Variants in ARHGEF1 observed in about 807,000 individuals in gnomAD.
ARHGEF1 encodes Rho guanine nucleotide exchange factor 1, also known as 115 kDa guanine nucleotide exchange factor.
A neutral mutation model predicts 119.7 loss-of-function variants in ARHGEF1; 40 were observed. The ratio of observed to expected loss-of-function variants is 0.33; its 90% confidence interval spans 0.26 to 0.44. ARHGEF1 has a LOEUF of 0.44. ARHGEF1 is among the 20% of genes least tolerant of loss of function. The pLI is 1.00. For synonymous variants in ARHGEF1, 494 were observed against 521.0 expected, an observed-to-expected ratio of 0.95 and a Z score of 0.71; for missense variants, 976 against 1,268.3, an observed-to-expected ratio of 0.77 and a Z score of 3.50.
At position 41,888,091 on chromosome 19, in the gene ARHGEF1, C is replaced by T; in HGVS notation, c.9C>T (p.Asp3=). 1.2e-6 allele frequency: 2 copies of T among 1,613,646 alleles called. No individual in the cohort carries two copies. Among genetic ancestry groups the T allele is most frequent in the South Asian group, 1.1e-5 (1 of 91,046 alleles). ME[D]FARGAASPGP... Reference sequence around the variant, plus strand: ...CTGCAGAGCCCAGGGAGATGGAAGACTTCGCCCGAGGGGCGGTGAGTGGAC... The same window carrying T: ...CTGCAGAGCCCAGGGAGATGGAAGATTTCGCCCGAGGGGCGGTGAGTGGAC... Residue 3 remains aspartate (D), a synonymous_variant, in exon 2 of 29, where the codon GAC becomes GAT. Coordinates refer to ENST00000354532, the MANE Select transcript of ARHGEF1 (RefSeq NM_004706.4). This position sits in a 1 kb window ranked among gnomAD's most constrained non-coding sequence, Gnocchi z 5.1.
intron 14 of ARHGEF1, among the ~76,000 whole-genome samples, chr19:41,899,674 T>G (rs1325810175): frequency 1.3e-5 from 2 of 151,770 alleles, no homozygotes; most frequent in East Asian, 3.9e-4. Context: ...CACGCCCGGC[T>G]AATTTTGTAT....
chr19:41,888,631 T>C lies in ARHGEF1; in HGVS notation c.112-121T>C. 1 of 879,768 alleles carries C rather than the reference T, an allele frequency of 1.1e-6. No individual in the cohort carries two copies. The allele number at this position is 879,768 out of a possible 1,614,324, so 54.5% of individuals were successfully genotyped here. A position where few individuals can be genotyped will look rare whatever the true frequency, so the allele number is the denominator to read the frequency against. On this transcript the variant is annotated intron_variant, in intron 3 of 28. Transcript: ENST00000354532. This position sits in a 1 kb window ranked among gnomAD's most constrained non-coding sequence, Gnocchi z 5.1. ...ATCATTTTTTGGACACTGTCACCAC[T>C]CCCCACTTCCCAGGAGCTAACCCTG...
chr19:41,893,285 C>T lies in ARHGEF1; in HGVS notation c.626C>T (p.Ser209Phe). The change falls in exon 8 of 29, where the codon TCT becomes TTT. Residue 209 changes from serine (S) to phenylalanine (F), a missense_variant. Ser to Phe is a radical substitution (Grantham distance 155). Coordinates refer to ENST00000354532, the MANE Select transcript of ARHGEF1 (RefSeq NM_004706.4). ...MHLEEMQHTI[S>F]TDEEKSAAVV... The stretch of plus-strand genomic sequence containing the variant: ...TCTTCCTCCTACAGACATACCATCT[C>T]TACCGACGAAGAAAAGAGGTGAGGG... 1 of 1,611,120 alleles carries T rather than the reference C, an allele frequency of 6.2e-7. No homozygotes were observed. Among genetic ancestry groups the T allele is most frequent in the Non-Finnish European group, 8.5e-7 (1 of 1,178,970 alleles).
Position 41,903,289 on chromosome 19 carries a change from T to G in ARHGEF1, c.1739-18T>G, listed in dbSNP as rs2074635052. On this transcript the variant is annotated intron_variant, in intron 18 of 28. Coordinates refer to ENST00000354532, the MANE Select transcript of ARHGEF1 (RefSeq NM_004706.4). This position sits in a 1 kb window ranked among gnomAD's most constrained non-coding sequence, Gnocchi z 4.2. Reference sequence around the variant, plus strand: ...CAGGGCAGGGGTTCACCAGAGCTGCTCTCTCCCTTGCCTGCAGAAGAGCCC... The same window carrying G: ...CAGGGCAGGGGTTCACCAGAGCTGCGCTCTCCCTTGCCTGCAGAAGAGCCC... 1 of 1,612,046 alleles carries G rather than the reference T, an allele frequency of 6.2e-7. No individual in the cohort carries two copies. Among genetic ancestry groups the G allele is most frequent in the Admixed American group, 1.7e-5 (1 of 59,972 alleles).
intron 1 of ARHGEF1, among the ~76,000 whole-genome samples, chr19:41,884,036 T>C (rs2074256702): frequency 6.6e-6 from 1 of 151,800 alleles, no homozygotes; most frequent in South Asian, 2.1e-4. Flanking sequence ...TGTACGAGGA[T>C]TGGAAATTCA....
rs2123434299 is a variant in ARHGEF1 at position 41,894,569 on chromosome 19, C to T, written c.841+22C>T. The T allele has an allele frequency of 3.1e-6, 5 of 1,613,858 alleles. No homozygotes were observed. The Middle Eastern group carries it at 6.6e-4, about 213-fold the overall frequency. On this transcript the variant is annotated intron_variant, in intron 10 of 28. Transcript: ENST00000354532. The stretch of plus-strand genomic sequence containing the variant: ...CAGGGTAAGGCGGCTCTGGCCTCTG[C>T]CCTCCCCTGTCTTCCCCAGCTGCTC...
At chr19:41,909,212 A>C, downstream of ARHGEF1, 1 of 1,230,776 alleles carries the variant, frequency 8.1e-7, no homozygotes, top group Non-Finnish European at 1.0e-6. This position sits in a 1 kb window ranked among gnomAD's most constrained non-coding sequence, Gnocchi z 5.2. Flanking sequence ...CCCTTCTCAG[A>C]CTGTCCCCTC....
chr19:41,905,433 AGT>A lies in ARHGEF1; in HGVS notation c.2336+179_2336+180del, dbSNP rs1168516783. On this transcript the variant is annotated intron_variant, in intron 24 of 28. Transcript: ENST00000354532. The surrounding 1 kb of genome is among the most constrained non-coding windows in gnomAD (Gnocchi z 6.4). ...AGTATGTGACTGTGCGTGCATATAT[AGT>A]GTGTGTATGCATGCATGTGTGCGTG... The A allele has an allele frequency of 1.9e-5, 12 of 646,990 alleles. No individual in the cohort carries two copies. The highest frequency in any genetic ancestry group is 5.7e-5 in the South Asian group (3 of 52,238). 40.1% of individuals were successfully genotyped at this position (646,990 alleles called of 1,614,324 possible).
rs2074444512 is a variant in ARHGEF1, at chr19:41,894,483, C to G, written c.777C>G (p.Ala259=). The G allele has an allele frequency of 6.3e-7, 1 of 1,586,916 alleles. No homozygotes were observed. The highest frequency in any genetic ancestry group is 8.6e-7 in the Non-Finnish European group (1 of 1,164,416). ...VMGNRRSDEP[A]KTKKGLSSIL... ...GGAACCGGCGGTCGGACGAGCCTGC[C>G]AAGACCAAGAAGGGGCTGAGCAGCA... The change falls in exon 10 of 29, where the codon GCC becomes GCG. Residue 259 remains alanine (A), a synonymous_variant. Coordinates refer to ENST00000354532, the MANE Select transcript of ARHGEF1 (RefSeq NM_004706.4).
chr19:41,888,823 C>T lies in ARHGEF1; in HGVS notation c.183C>T (p.Ala61=), dbSNP rs782545280. The change falls in exon 4 of 29, where the codon GCC becomes GCT. Residue 61 remains alanine (A), a synonymous_variant. Transcript: ENST00000354532. The surrounding 1 kb of genome is among the most constrained non-coding windows in gnomAD (Gnocchi z 5.1). ...QVKRRPAHLM[A]LLQHVALQFE... Reference sequence around the variant, plus strand: ...AGCGGCGCCCAGCCCACCTCATGGCCCTCCTGCAGCACGTGGCCCTGCAGT... The same window carrying T: ...AGCGGCGCCCAGCCCACCTCATGGCTCTCCTGCAGCACGTGGCCCTGCAGT... 1 of 1,614,228 alleles carries T rather than the reference C, an allele frequency of 6.2e-7. No individual in the cohort carries two copies. Among genetic ancestry groups the T allele is most frequent in the Non-Finnish European group, 8.5e-7 (1 of 1,180,036 alleles).
chr19:41,895,578 TC>T, intron 12 of ARHGEF1, 92 bp downstream of exon 12: 1 of 1,398,238 alleles, frequency 7.2e-7, no homozygotes, highest in Non-Finnish European at 9.6e-7. Context: ...TAGAAGCCAT[TC>T]CCCAGCAACA....
At position 41,906,877 on chromosome 19, in the gene ARHGEF1, C is replaced by T. The variant is rs901609846; in HGVS notation, c.*17+74C>T. The T allele has an allele frequency of 2.0e-5, 23 of 1,176,678 alleles. No individual in the cohort carries two copies. Among genetic ancestry groups the T allele is most frequent in the Non-Finnish European group, 2.7e-5 (23 of 841,112 alleles). 72.9% of individuals were successfully genotyped at this position (1,176,678 alleles called of 1,614,324 possible). A position where few individuals can be genotyped will look rare whatever the true frequency, so the allele number is the denominator to read the frequency against. ...CCCTCCAGAGCTCGCATCCCTACAG[C>T]CCCTTCTGTCCATCTCCCTCTTTGT... On this transcript the variant is annotated intron_variant, in intron 28 of 28. Coordinates refer to ENST00000354532, the MANE Select transcript of ARHGEF1 (RefSeq NM_004706.4). This position sits in a 1 kb window ranked among gnomAD's most constrained non-coding sequence, Gnocchi z 4.5.
At chr19:41,895,322 C>T in intron 11 of ARHGEF1, 27 bp from the exon 12 acceptor site, 1 of 1,587,756 alleles carries the variant, frequency 6.3e-7, no homozygotes, top group Non-Finnish European at 8.6e-7. Context: ...CTCTTATCTC[C>T]CTCTTTCTCC....
chr19:41,901,764 T>A, intron 14 of ARHGEF1, 123 bp from the exon 15 acceptor site: 1 of 1,268,736 alleles, frequency 7.9e-7, no homozygotes, highest in Non-Finnish European at 1.1e-6. Flanking sequence ...GAGAGAGTTT[T>A]TTCCCACCAA....
chr19:41,925,355 G>T (rs1224857366), intron 1 of ARHGEF1, among the ~76,000 whole-genome samples: 3 of 152,122 alleles, frequency 2.0e-5, no homozygotes, highest in Non-Finnish European at 4.4e-5. Flanking sequence ...GAGAGTACCT[G>T]AGGGACAGGT....
chr19:41,892,553 G>T lies in ARHGEF1; in HGVS notation c.368-50G>T. On this transcript the variant is annotated intron_variant, in intron 6 of 28. Coordinates refer to ENST00000354532, the MANE Select transcript of ARHGEF1 (RefSeq NM_004706.4). The surrounding 1 kb of genome is among the most constrained non-coding windows in gnomAD (Gnocchi z 6.3). ...AGTCCAAGGGTGGGTGGGGACCGTG[G>T]TCCAAGCCACCAGGGAGCTGGACCC... The T allele has an allele frequency of 6.4e-7, 1 of 1,565,470 alleles. No individual in the cohort carries two copies. The highest frequency in any genetic ancestry group is 8.7e-7 in the Non-Finnish European group (1 of 1,151,346).
chr19:41,902,995 T>C lies in ARHGEF1; in HGVS notation c.1738+97T>C, dbSNP rs1212516595. The C allele has an allele frequency of 1.9e-6, 2 of 1,047,498 alleles. No individual in the cohort carries two copies. The highest frequency in any genetic ancestry group is 2.7e-6 in the Non-Finnish European group (2 of 738,732). 64.9% of individuals were successfully genotyped at this position (1,047,498 alleles called of 1,614,324 possible). A position where few individuals can be genotyped will look rare whatever the true frequency, so the allele number is the denominator to read the frequency against. On this transcript the variant is annotated intron_variant, in intron 18 of 28. Transcript: ENST00000354532. The surrounding 1 kb of genome is among the most constrained non-coding windows in gnomAD (Gnocchi z 6.5). ...CATCAGTGATACCATCACAGCTCACTGCAGCCTCAACCTCCCAGGATCTAC... is the reference window on the plus strand; with the variant it reads ...CATCAGTGATACCATCACAGCTCACCGCAGCCTCAACCTCCCAGGATCTAC...
chr19:41,897,366 T>G, intron 13 of ARHGEF1: 1 of 1,187,098 alleles, frequency 8.4e-7, no homozygotes, highest in African/African-American at 1.7e-5. Context: ...GGCTAGCCCC[T>G]CCCCCATTTC....
rs1599661836 is a variant in ARHGEF1 at position 41,903,997 on chromosome 19, T to C, written c.1918-38T>C. On this transcript the variant is annotated intron_variant, in intron 20 of 28. Coordinates refer to ENST00000354532, the MANE Select transcript of ARHGEF1 (RefSeq NM_004706.4). This position sits in a 1 kb window ranked among gnomAD's most constrained non-coding sequence, Gnocchi z 4.2. Reference sequence around the variant, plus strand: ...CTCCCCACCAACCCCAATCACCCCCTGCCAACCTGCACAAACCATCACCCC... The same window carrying C: ...CTCCCCACCAACCCCAATCACCCCCCGCCAACCTGCACAAACCATCACCCC... 1 of 1,065,836 alleles carries C rather than the reference T, an allele frequency of 9.4e-7. No homozygotes were observed. The allele number at this position is 1,065,836 out of a possible 1,614,324, so 66.0% of individuals were successfully genotyped here. A position where few individuals can be genotyped will look rare whatever the true frequency, so the allele number is the denominator to read the frequency against.
Sources: gnomAD v4.1 joint callset for allele counts (sites outside exome capture counted in the v4.1 genomes callset) on GRCh38, gnomAD v4.1.1 for gene constraint, Gnocchi (gnomAD v3.1) non-coding constraint, MANE v1.5 for transcripts, NCBI Gene and HGNC (gene_info 2026-07-23, HGNC 2026-07-21) for gene names.